FHIT: variants seen among roughly 807,000 people sequenced by gnomAD.
The protein encoded by FHIT is fragile histidine triad diadenosine triphosphatase, also known as bis(5'-adenosyl)-triphosphatase.
A neutral mutation model predicts 17.9 loss-of-function variants in FHIT; 19 were observed. The observed-to-expected ratio is 1.06, with a 90% CI of 0.74 to 1.56. The LOEUF (loss-of-function observed/expected upper bound fraction) is 1.56, where lower values mean the gene tolerates loss of function less well. Ranked by LOEUF, FHIT falls within the 40% of genes most tolerant of loss-of-function variation. The pLI is 0.00. For missense variants in FHIT, 248 were observed against 189.2 expected, an observed-to-expected ratio of 1.31 and a Z score of -1.82; for synonymous variants, 81 against 69.7, an observed-to-expected ratio of 1.16 and a Z score of -0.81.
At chr3:60,603,588 AG>A (rs1282226262) in intron 4 of FHIT, among the ~76,000 whole-genome samples, 2 of 152,066 alleles carry the variant, frequency 1.3e-5, no homozygotes, top group African/African-American at 4.8e-5. Flanking sequence ...GATGAGCATA[AG>A]TCACTTGTAA....
chr3:59,919,863 T>A (rs1055063670), intron 8 of FHIT, among the ~76,000 whole-genome samples: 1 of 152,242 alleles, frequency 6.6e-6, no homozygotes. Context: ...TTTGGTCTAA[T>A]GTACATTAAG....
At chr3:60,211,040 T>G (rs1167111396) in intron 5 of FHIT, among the ~76,000 whole-genome samples, 3 of 84,052 alleles carry the variant, frequency 3.6e-5, no homozygotes, top group African/African-American at 9.8e-5. Flanking sequence ...ACATGGTACA[T>G]CCCCCATGAT....
At chr3:59,813,249 T>G (rs911258527) in intron 8 of FHIT, among the ~76,000 whole-genome samples, 1 of 152,242 alleles carries the variant, frequency 6.6e-6, no homozygotes, top group African/African-American at 2.4e-5. Context: ...CTGTTTCTGA[T>G]GAAGTGGCAC....
intron 4 of FHIT, chr3:60,690,610 T>C: frequency 3.8e-6 from 2 of 530,520 alleles, no homozygotes; most frequent in South Asian, 2.9e-5. Flanking sequence ...GCTCAGAGCA[T>C]GAAAATTTTC....
At chr3:60,470,058 T>TCTCTCTCTCTC (rs1576711581) in intron 5 of FHIT, among the ~76,000 whole-genome samples, 3 of 143,040 alleles carry the variant, frequency 2.1e-5, no homozygotes, top group South Asian at 2.3e-4. Context: ...CTCTCTTTCT[T>TCTCTCTCTCTC]TCTCTCTCTC....
chr3:60,086,814 G>C (rs1265195150), intron 5 of FHIT, among the ~76,000 whole-genome samples: 2 of 152,188 alleles, frequency 1.3e-5, no homozygotes, highest in African/African-American at 4.8e-5. Context: ...TCCTTGGTTG[G>C]AGTTGAATGC....
chr3:60,788,484 G>T (rs951957828), intron 4 of FHIT, among the ~76,000 whole-genome samples: 1 of 152,108 alleles, frequency 6.6e-6, no homozygotes, highest in South Asian at 2.1e-4. Flanking sequence ...ATATTTGTGT[G>T]TATACATGCA....
At chr3:60,046,703 T>C (rs951557747) in intron 5 of FHIT, among the ~76,000 whole-genome samples, 2 of 152,238 alleles carry the variant, frequency 1.3e-5, no homozygotes, top group South Asian at 4.1e-4. Context: ...AAGCCAGTAA[T>C]GTTTACAGAT....
intron 5 of FHIT, among the ~76,000 whole-genome samples, chr3:60,252,791 C>G (rs1705787046): frequency 6.6e-6 from 1 of 151,716 alleles, no homozygotes; most frequent in Admixed American, 6.6e-5. Flanking sequence ...AAGATCGAGA[C>G]CATCCTGGCT....
intron 5 of FHIT, among the ~76,000 whole-genome samples, chr3:60,247,398 GAAGA>G (rs933825529): frequency 6.6e-5 from 10 of 151,562 alleles, no homozygotes; most frequent in African/African-American, 1.5e-4. Context: ...GAAGACAGAA[GAAGA>G]AAGAAAGAAG....
At chr3:59,924,299 C>G (rs754058148) in intron 7 of FHIT, among the ~76,000 whole-genome samples, 38 of 152,104 alleles carry the variant, frequency 2.5e-4, no homozygotes, top group Non-Finnish European at 4.7e-4. Context: ...TTCTGTCCCC[C>G]TCCTCCTTTC....
intron 1 of FHIT, among the ~76,000 whole-genome samples, chr3:61,242,432 T>C (rs1288164199): frequency 1.3e-5 from 2 of 152,192 alleles, no homozygotes; most frequent in African/African-American, 4.8e-5. Flanking sequence ...TAAACAAACC[T>C]TACTAAACAA....
intron 5 of FHIT, among the ~76,000 whole-genome samples, chr3:60,030,719 G>C (rs568567129): frequency 9.5e-4 from 145 of 152,244 alleles, no homozygotes; most frequent in Middle Eastern, 3.4e-3. Flanking sequence ...TGGGTCAATG[G>C]ATGGATGGAT....
At chr3:60,335,563 C>G (rs541166933) in intron 5 of FHIT, among the ~76,000 whole-genome samples, 44 of 152,214 alleles carry the variant, frequency 2.9e-4, no homozygotes, top group Admixed American at 5.2e-4. Context: ...GTATGCGGTT[C>G]AGGAGGGTAA....
chr3:60,538,557 T>G (rs1214872391), intron 4 of FHIT, among the ~76,000 whole-genome samples: 1 of 152,094 alleles, frequency 6.6e-6, no homozygotes. Context: ...AAGGCTACAG[T>G]AACCAAAACA....
intron 4 of FHIT, among the ~76,000 whole-genome samples, chr3:60,679,000 C>T (rs1299048819): frequency 1.3e-4 from 19 of 149,722 alleles, no homozygotes; most frequent in African/African-American, 2.2e-4. Context: ...GGTTTGCAAA[C>T]TTTTGTCTGT....
At chr3:60,888,737 G>A (rs1356166056) in intron 3 of FHIT, among the ~76,000 whole-genome samples, 12 of 152,094 alleles carry the variant, frequency 7.9e-5, no homozygotes, top group Non-Finnish European at 1.3e-4. Context: ...CAATGGTTTT[G>A]TTTGGAACAT....
intron 4 of FHIT, among the ~76,000 whole-genome samples, chr3:60,551,476 G>C (rs2036546484): frequency 4.4e-5 from 1 of 22,682 alleles, no homozygotes; most frequent in South Asian, 1.7e-3. Context: ...GAGAAACAGA[G>C]AGAGGGTAGG....
intron 3 of FHIT, among the ~76,000 whole-genome samples, chr3:60,899,540 C>T (rs146936710): frequency 4.3e-4 from 65 of 152,170 alleles, no homozygotes; most frequent in Middle Eastern, 3.4e-3. Flanking sequence ...AGATTCATAA[C>T]GGTAAAGGCT....
Sources: allele counts gnomAD v4.1 joint callset (sites outside exome capture counted in the v4.1 genomes callset), GRCh38; gene constraint gnomAD v4.1.1; transcripts MANE v1.5; gene names NCBI Gene and HGNC (gene_info 2026-07-23, HGNC 2026-07-21).